INTS3: variants seen among roughly 807,000 people sequenced by gnomAD.
The protein encoded by INTS3 is integrator complex subunit 3.
INTS3 carries 34 observed loss-of-function variants against 146.3 expected under a neutral mutation model. The observed-to-expected ratio is 0.23, with a 90% CI of 0.18 to 0.31. The LOEUF is 0.31. Among genes scored for constraint, INTS3 ranks in the 10% least tolerant of loss-of-function variants. INTS3 has a pLI of 1.00. For synonymous variants in INTS3, 475 were observed against 494.9 expected (o/e 0.96, Z 0.53); for missense variants, 757 against 1,304.2 (o/e 0.58, Z 6.46).
At chr1:153,742,505 T>C (rs114106688) in intron 3 of INTS3, among the ~76,000 whole-genome samples, 3 of 151,810 alleles carry the variant, frequency 2.0e-5, no homozygotes, top group Admixed American at 6.6e-5. Context: ...TGTGTGTGTG[T>C]GTGCGTGCGC....
chr1:153,769,757 C>G lies in INTS3; in HGVS notation c.2314-12C>G, dbSNP rs769109776. 3 of 1,605,650 alleles carry G rather than the reference C, an allele frequency of 1.9e-6. No homozygotes were observed. In the African/African-American group the frequency reaches 4.0e-5, roughly 21 times the overall value. ...AGCTGATGGGTTCTGCCTCCTTCCT[C>G]CACCTCCTTAGCTCCAGGAGCTGGT... is the stretch of plus-strand genomic sequence containing the variant. On this transcript the variant is annotated splice_polypyrimidine_tract_variant and intron_variant, in intron 22 of 29. Coordinates refer to ENST00000318967, the MANE Select transcript of INTS3 (RefSeq NM_023015.5).
chr1:153,772,567 G>A lies in INTS3; in HGVS notation c.2822-72G>A. 1.2e-6 allele frequency: 2 copies of A among 1,611,700 alleles called. No homozygotes were observed. Among genetic ancestry groups the A allele is most frequent in the Non-Finnish European group, 1.7e-6 (2 of 1,178,752 alleles). ...ACCCACACTCGGGATAAAACAACCT[G>A]TGCGTGCTGTTTAATAAGCTCCCAG... On this transcript the variant is annotated intron_variant, in intron 27 of 29. Transcript: ENST00000318967. This position sits in a 1 kb window ranked among gnomAD's most constrained non-coding sequence, Gnocchi z 4.6.
intron 11 of INTS3, 126 bp from the exon 12 acceptor site, chr1:153,760,185 T>C: frequency 1.5e-6 from 1 of 646,022 alleles, no homozygotes; most frequent in Non-Finnish European, 2.6e-6. Context: ...TGAGCTGAGA[T>C]CGTACCATTT....
intron 24 of INTS3, 90 bp downstream of exon 24, chr1:153,770,401 G>A (rs1189527704): frequency 5.7e-6 from 5 of 877,034 alleles, no homozygotes; most frequent in South Asian, 4.0e-5. Context: ...TCTAGGATGA[G>A]CCCAGATCCA....
In INTS3 at chr1:153,773,018, A is replaced by G. The variant is rs761691432; in HGVS notation, c.2988A>G (p.Arg996=). The change falls in exon 29 of 30, where the codon CGA becomes CGG. Residue 996 remains arginine, a synonymous_variant. Transcript: ENST00000318967. ...SRRKAALSSP[R]SRKNATQPPN... ...GAAAAGCAGCTCTGTCCAGCCCTCG[A>G]AGTCGAAAGAATGCCACACAGCCCC... 1.2e-6 allele frequency: 2 copies of G among 1,614,180 alleles called. No homozygotes were observed. The highest frequency in any genetic ancestry group is 8.5e-7 in the Non-Finnish European group (1 of 1,180,034).
chr1:153,767,670 G>A lies in INTS3; in HGVS notation c.2091-4G>A. ...TGCTGGCTCAGGCCCAGCTGGTCTT[G>A]CAGCAAAGCCGCCGCAGGGAAGATG... On this transcript the variant is annotated splice_polypyrimidine_tract_variant and splice_region_variant and intron_variant, in intron 20 of 29. Coordinates refer to ENST00000318967, the MANE Select transcript of INTS3 (RefSeq NM_023015.5). 1 of 1,575,230 alleles carries A rather than the reference G, an allele frequency of 6.3e-7. No homozygotes were observed.
In INTS3 at chr1:153,728,273, G is replaced by T. The variant is rs963452360; in HGVS notation, c.-362G>T. On this transcript the variant is annotated 5_prime_UTR_variant, in exon 1 of 30. Transcript: ENST00000318967. ...TTTCCCCCCACGGGGAAAAGAGGCAGAAACTTAGGGGTTTCCCTCCTTTCT... is the reference window on the plus strand; with the variant it reads ...TTTCCCCCCACGGGGAAAAGAGGCATAAACTTAGGGGTTTCCCTCCTTTCT... The T allele has an allele frequency of 2.6e-6, 1 of 390,092 alleles. No homozygotes were observed. The highest frequency in any genetic ancestry group is 4.5e-6 in the Non-Finnish European group (1 of 221,090). 24.2% of individuals were successfully genotyped at this position (390,092 alleles called of 1,614,324 possible).
intron 1 of INTS3, among the ~76,000 whole-genome samples, chr1:153,736,157 A>G (rs11264336): frequency 0.13 from 20,231 of 152,150 alleles, 2,389 homozygotes; most frequent in African/African-American, 0.32. Context: ...GGCTGTGAGA[A>G]TCATAGCTCA....
At chr1:153,740,973 A>T (rs1671510498) in intron 2 of INTS3, among the ~76,000 whole-genome samples, 1 of 152,162 alleles carries the variant, frequency 6.6e-6, no homozygotes, top group South Asian at 2.1e-4. Flanking sequence ...TATGTTGCCC[A>T]GGCTGGAATG....
chr1:153,745,219 C>T (rs889994413), intron 3 of INTS3, among the ~76,000 whole-genome samples: 8 of 147,762 alleles, frequency 5.4e-5, no homozygotes, highest in African/African-American at 7.6e-5. Context: ...TGCAGTGGTA[C>T]GATCTTGGCT....
intron 21 of INTS3, 80 bp downstream of exon 21, chr1:153,767,907 G>A: frequency 7.2e-7 from 1 of 1,395,716 alleles, no homozygotes; most frequent in Non-Finnish European, 9.5e-7. Context: ...ACACAACCCT[G>A]AACCCTCTTT....
At position 153,760,862 on chromosome 1, in the gene INTS3, C is replaced by T. The variant is rs147284990; in HGVS notation, c.1353C>T (p.His451=). 1.5e-5 allele frequency: 24 copies of T among 1,614,044 alleles called. No homozygotes were observed. Among genetic ancestry groups the T allele is most frequent in the African/African-American group, 6.7e-5 (5 of 74,936 alleles). Reference sequence around the variant, plus strand: ...ACTTCTATCCACCATTGGAGGGCCACGTGCGGCAGGGTGTCTTTTCCTCCC... The same window carrying T: ...ACTTCTATCCACCATTGGAGGGCCATGTGCGGCAGGGTGTCTTTTCCTCCC... The part of the protein sequence containing the change: ...IPNFYPPLEG[H]VRQGVFSSLN... The change falls in exon 13 of 30, where the codon CAC becomes CAT. Residue 451 remains histidine (H), a synonymous_variant. Coordinates refer to ENST00000318967, the MANE Select transcript of INTS3 (RefSeq NM_023015.5).
intron 1 of INTS3, among the ~76,000 whole-genome samples, chr1:153,738,320 G>A (rs1425537119): frequency 6.6e-6 from 1 of 151,978 alleles, no homozygotes; most frequent in East Asian, 1.9e-4. Context: ...GGCTGGTCTC[G>A]AGCTCCTGGG....
intron 3 of INTS3, among the ~76,000 whole-genome samples, chr1:153,744,100 C>G (rs1671640867): frequency 6.7e-6 from 1 of 150,060 alleles, no homozygotes; most frequent in Non-Finnish European, 1.5e-5. Flanking sequence ...GCTGCTTTTC[C>G]AAGCTGGTCA....
chr1:153,768,998 G>C (rs758509999), intron 22 of INTS3, 37 bp downstream of exon 22: 3 of 1,558,232 alleles, frequency 1.9e-6, no homozygotes, highest in Non-Finnish European at 1.8e-6. Context: ...GAAGATCTGG[G>C]AGGCAGCATT....
Position 153,740,715 on chromosome 1 carries a change from A to G in INTS3, c.215A>G (p.Asn72Ser), listed in dbSNP as rs367645093. 3.7e-6 allele frequency: 6 copies of G among 1,613,402 alleles called. No homozygotes were observed. The highest frequency in any genetic ancestry group is 5.1e-6 in the Non-Finnish European group (6 of 1,179,328). Residue 72 changes from asparagine (N) to serine (S), a missense_variant, in exon 2 of 30, where the codon AAT becomes AGT. This residue lies in a region of INTS3 where 160 missense variants were observed against 193.7 expected (regional missense o/e 0.83). Transcript: ENST00000318967. Reference sequence around the variant, plus strand: ...GCTGGTGTCTCGGAGAGAGAAGCCAATGATGCCCTCAATGCGTATGTAAGT... The same window carrying G: ...GCTGGTGTCTCGGAGAGAGAAGCCAGTGATGCCCTCAATGCGTATGTAAGT... ...MTAGVSEREA[N>S]DALNAYVCKG...
chr1:153,747,716 T>A (rs1482363483), intron 5 of INTS3: 2 of 297,832 alleles, frequency 6.7e-6, no homozygotes, highest in Non-Finnish European at 1.3e-5. Context: ...CAAGTCCCTG[T>A]GCTTTCAGAA....
chr1:153,753,008 G>A (rs1179634663), intron 8 of INTS3, among the ~76,000 whole-genome samples: 3 of 151,300 alleles, frequency 2.0e-5, no homozygotes, highest in East Asian at 1.9e-4. Flanking sequence ...CAACACACAC[G>A]TGCTTGTGAT....
intron 6 of INTS3, among the ~76,000 whole-genome samples, chr1:153,749,123 C>T (rs1184505880): frequency 6.6e-6 from 1 of 152,164 alleles, no homozygotes; most frequent in Non-Finnish European, 1.5e-5. Flanking sequence ...CTTTTCTCCC[C>T]TGCAAGCTTC....
Sources: gnomAD v4.1 joint callset for allele counts (sites outside exome capture counted in the v4.1 genomes callset) on GRCh38, gnomAD v4.1.1 for gene constraint, gnomAD v4.1.1 regional missense constraint, Gnocchi (gnomAD v3.1) non-coding constraint, MANE v1.5 for transcripts, NCBI Gene and HGNC (gene_info 2026-07-23, HGNC 2026-07-21) for gene names.